The following USP32 variants were observed in gnomAD, a reference collection of about 807,000 sequenced individuals.
USP32 encodes ubiquitin specific peptidase 32, also known as ubiquitin carboxyl-terminal hydrolase 32.
In USP32, 59 loss-of-function variants were observed where a neutral mutation model predicts 204.8. That is an observed-to-expected ratio of 0.29 (90% CI 0.23 to 0.36). The LOEUF is 0.36. Among genes scored for constraint, USP32 ranks in the 10% least tolerant of loss-of-function variants. The pLI is 1.00. For missense variants in USP32, 1,160 were observed against 1,946.4 expected, an observed-to-expected ratio of 0.60 and a Z score of 7.60; for synonymous variants, 517 against 678.4, an observed-to-expected ratio of 0.76 and a Z score of 3.70.
intron 2 of USP32, among the ~76,000 whole-genome samples, chr17:60,337,747 G>A (rs1332254122): frequency 1.3e-5 from 2 of 152,120 alleles, no homozygotes; most frequent in Non-Finnish European, 2.9e-5. Flanking sequence ...TGGGCATGGT[G>A]GCACATGCCT....
intron 1 of USP32, among the ~76,000 whole-genome samples, chr17:60,373,877 G>C (rs2089491130): frequency 6.6e-6 from 1 of 152,094 alleles, no homozygotes; most frequent in African/African-American, 2.4e-5. Context: ...TATTTAAAAA[G>C]TTTTTACTAT....
At chr17:60,239,951 G>T (rs1019255220) in intron 11 of USP32, among the ~76,000 whole-genome samples, 1 of 152,150 alleles carries the variant, frequency 6.6e-6, no homozygotes, top group African/African-American at 2.4e-5. Flanking sequence ...TGGCCAGGCT[G>T]GTCTCGAACT....
chr17:60,382,318 G>A (rs2089659177), intron 1 of USP32, among the ~76,000 whole-genome samples: 1 of 152,156 alleles, frequency 6.6e-6, no homozygotes, highest in Non-Finnish European at 1.5e-5. Flanking sequence ...GCAACACAGT[G>A]AGGCTTCGTC....
intron 10 of USP32, among the ~76,000 whole-genome samples, chr17:60,253,227 T>C (rs1174885484): frequency 6.6e-6 from 1 of 152,134 alleles, no homozygotes; most frequent in African/African-American, 2.4e-5. Flanking sequence ...GACACAAACT[T>C]AAGTGACCAA....
exon 1 of USP32, chr17:60,422,361 T>C: frequency 8.9e-7 from 1 of 1,119,396 alleles, no homozygotes; most frequent in Non-Finnish European, 1.2e-6. Flanking sequence ...TCTTGCTCCG[T>C]TCCCTAGTCC....
At chr17:60,247,262 C>G (rs534428414) in intron 11 of USP32, among the ~76,000 whole-genome samples, 28 of 152,172 alleles carry the variant, frequency 1.8e-4, no homozygotes, top group African/African-American at 6.5e-4. Flanking sequence ...TCACTGCAAC[C>G]TCCACCTCCC....
At chr17:60,186,526 A>G (rs1355579568) in intron 29 of USP32, among the ~76,000 whole-genome samples, 2 of 152,248 alleles carry the variant, frequency 1.3e-5, no homozygotes, top group African/African-American at 4.8e-5. Flanking sequence ...TACCAAGTCT[A>G]TAATTATCTG....
chr17:60,323,850 C>T (rs185781699), intron 2 of USP32, among the ~76,000 whole-genome samples: 35 of 152,260 alleles, frequency 2.3e-4, no homozygotes, highest in Admixed American at 1.8e-3. Flanking sequence ...TTCTAAAAAG[C>T]GTCAAAACAT....
chr17:60,326,670 A>G (rs1337554656), intron 2 of USP32, among the ~76,000 whole-genome samples: 2 of 152,208 alleles, frequency 1.3e-5, no homozygotes, highest in Non-Finnish European at 2.9e-5. Context: ...GGATCTCAGT[A>G]TGAGACACTC....
At chr17:60,347,010 G>GA (rs1218468020) in intron 1 of USP32, among the ~76,000 whole-genome samples, 1 of 151,844 alleles carries the variant, frequency 6.6e-6, no homozygotes. Flanking sequence ...AGGCAGACGA[G>GA]AAAAAAACAC....
Position 60,281,176 on chromosome 17 carries a change from G to A in USP32, c.571+7347C>T, listed in dbSNP as rs77243263. On this transcript the variant is annotated intron_variant, in intron 5 of 33. Coordinates refer to ENST00000300896, the MANE Select transcript of USP32 (RefSeq NM_032582.4). ...AAAACAATTATTCTCTGAAGACAGA[G>A]GGGTAAAAACCACTGACATTCACAA... Among the ~76,000 whole-genome samples, 4 of 152,318 alleles carry A rather than the reference G, an allele frequency of 2.6e-5. No homozygotes were observed. The East Asian group carries it at 7.7e-4, about 29-fold the overall frequency.
chr17:60,392,083 T>C lies in USP32; in HGVS notation c.-144A>G. 1 of 899,132 alleles carries C rather than the reference T, an allele frequency of 1.1e-6. No individual in the cohort carries two copies. The highest frequency in any genetic ancestry group is 1.6e-6 in the Non-Finnish European group (1 of 628,482). 55.7% of individuals were successfully genotyped at this position (899,132 alleles called of 1,614,324 possible). Reference sequence around the variant, plus strand: ...CCCCCACACTAACAAGTGCGGCTTCTGCCCCGGCGGCTCCTCCCGGTCGCC... The same window carrying C: ...CCCCCACACTAACAAGTGCGGCTTCCGCCCCGGCGGCTCCTCCCGGTCGCC... On this transcript the variant is annotated 5_prime_UTR_variant, in exon 1 of 34. Coordinates refer to ENST00000300896, the MANE Select transcript of USP32 (RefSeq NM_032582.4).
chr17:60,198,738 T>C (rs1325848990), intron 26 of USP32, among the ~76,000 whole-genome samples: 3 of 152,236 alleles, frequency 2.0e-5, no homozygotes, highest in Non-Finnish European at 1.5e-5. Flanking sequence ...ATTTCTCACA[T>C]ACACTGACTC....
intron 1 of USP32, among the ~76,000 whole-genome samples, chr17:60,357,087 CA>C (rs926411767): frequency 3.3e-5 from 5 of 151,912 alleles, no homozygotes; most frequent in Admixed American, 3.3e-4. Flanking sequence ...GACCTTATCT[CA>C]AAAAAACAAA....
At chr17:60,407,435 A>G (rs1598321289) in intron 1 of USP32, among the ~76,000 whole-genome samples, 1 of 152,336 alleles carries the variant, frequency 6.6e-6, no homozygotes, top group Non-Finnish European at 1.5e-5. Flanking sequence ...GAGAGACTGC[A>G]GCAGAGGTAA....
At chr17:60,186,472 C>T (rs952090432) in intron 29 of USP32, among the ~76,000 whole-genome samples, 1 of 152,192 alleles carries the variant, frequency 6.6e-6, no homozygotes, top group Non-Finnish European at 1.5e-5. Context: ...CCACAGGGTA[C>T]AACTCATTTG....
At chr17:60,390,122 A>G (rs1470336262) in intron 1 of USP32, among the ~76,000 whole-genome samples, 1 of 152,248 alleles carries the variant, frequency 6.6e-6, no homozygotes, top group Non-Finnish European at 1.5e-5. Context: ...CAGACACTGT[A>G]TAAGAAATTA....
At chr17:60,406,664 C>T (rs754524139) in intron 1 of USP32, among the ~76,000 whole-genome samples, 17 of 151,012 alleles carry the variant, frequency 1.1e-4, no homozygotes, top group South Asian at 8.4e-4. Context: ...TACAGGCACG[C>T]GCCACCACGC....
At chr17:60,331,463 G>C (rs780593642) in intron 2 of USP32, among the ~76,000 whole-genome samples, 4 of 151,564 alleles carry the variant, frequency 2.6e-5, no homozygotes, top group African/African-American at 7.3e-5. Context: ...TTCTCAGGAG[G>C]CTGAGGCTGG....
Sources: allele counts gnomAD v4.1 joint callset (sites outside exome capture counted in the v4.1 genomes callset), GRCh38; gene constraint gnomAD v4.1.1; transcripts MANE v1.5; gene names NCBI Gene and HGNC (gene_info 2026-07-23, HGNC 2026-07-21).